NRG3: variants seen among roughly 807,000 people sequenced by gnomAD.
The protein encoded by NRG3 is neuregulin 3.
NRG3 carries 31 observed loss-of-function variants against 66.9 expected under a neutral mutation model. The ratio of observed to expected loss-of-function variants is 0.46; its 90% CI spans 0.35 to 0.63. The LOEUF is 0.63. Among genes scored for constraint, NRG3 ranks in the 20% least tolerant of loss-of-function variants. NRG3 has a pLI of 0.00. For synonymous variants in NRG3, 393 were observed against 359.4 expected, an observed-to-expected ratio of 1.09 and a Z score of -1.06; for missense variants, 910 against 878.9, an observed-to-expected ratio of 1.04 and a Z score of -0.45.
chr10:82,766,612 G>A (rs2135126695), intron 3 of NRG3, among the ~76,000 whole-genome samples: 1 of 152,174 alleles, frequency 6.6e-6, no homozygotes, highest in East Asian at 1.9e-4. Flanking sequence ...TGCTAGTGGG[G>A]ATGGAGTGTG....
chr10:82,240,986 T>A (rs150766408), intron 1 of NRG3, among the ~76,000 whole-genome samples: 181 of 152,236 alleles, frequency 1.2e-3, no homozygotes, highest in African/African-American at 4.3e-3. Context: ...GGAGACAAAC[T>A]GCAAGAGGAA....
intron 2 of NRG3, among the ~76,000 whole-genome samples, chr10:82,393,078 A>G (rs2086492388): frequency 6.6e-6 from 1 of 152,132 alleles, no homozygotes; most frequent in African/African-American, 2.4e-5. Flanking sequence ...CTTCTTAAGT[A>G]TGGTTTGTCT....
At chr10:82,514,692 T>C (rs1431448919) in intron 2 of NRG3, among the ~76,000 whole-genome samples, 3 of 152,188 alleles carry the variant, frequency 2.0e-5, no homozygotes, top group Non-Finnish European at 4.4e-5. Flanking sequence ...ATACCTTGGC[T>C]ATAAGGGCTC....
At position 82,260,653 on chromosome 10, in the gene NRG3, G is replaced by C. The variant is rs201201387; in HGVS notation, c.824-98086G>C. 5.9e-5 allele frequency among the ~76,000 whole-genome samples: 9 copies of C among 152,270 alleles called. No individual in the cohort carries two copies. The East Asian group carries it at 1.7e-3, about 29-fold the overall frequency. On this transcript the variant is annotated intron_variant, in intron 1 of 8. Transcript: ENST00000372141. ...GAATGGACTGGAGTGGTAGTGACTG[G>C]TGACAGAGAGACCATTTTAGTCTTC...
intron 2 of NRG3, among the ~76,000 whole-genome samples, chr10:82,510,640 T>C (rs1845083553): frequency 6.6e-6 from 1 of 152,188 alleles, no homozygotes; most frequent in African/African-American, 2.4e-5. Flanking sequence ...CAAGGTCCAG[T>C]TGAGAATAGG....
intron 3 of NRG3, among the ~76,000 whole-genome samples, chr10:82,789,992 T>C (rs1476981940): frequency 6.6e-6 from 1 of 152,126 alleles, no homozygotes; most frequent in Non-Finnish European, 1.5e-5. Flanking sequence ...TCTTTGCTCA[T>C]GGATAGTTCC....
chr10:82,983,675 A>C (rs1389928641), intron 8 of NRG3, among the ~76,000 whole-genome samples: 1 of 152,248 alleles, frequency 6.6e-6, no homozygotes, highest in African/African-American at 2.4e-5. Flanking sequence ...TTTTAAAAAT[A>C]AAATGAGTTA....
At chr10:82,580,332 A>G (rs2046282560) in intron 2 of NRG3, among the ~76,000 whole-genome samples, 2 of 151,948 alleles carry the variant, frequency 1.3e-5, no homozygotes, top group Admixed American at 6.6e-5. Context: ...GTTCCTATAT[A>G]ATCACTCCCC....
intron 1 of NRG3, among the ~76,000 whole-genome samples, chr10:82,353,843 A>G (rs529819386): frequency 1.3e-5 from 2 of 151,668 alleles, no homozygotes; most frequent in South Asian, 4.2e-4. Context: ...ATCCTTTCCA[A>G]TTGTTTTGCT....
intron 1 of NRG3, among the ~76,000 whole-genome samples, chr10:82,219,063 A>C (rs1030268814): frequency 6.6e-6 from 1 of 151,972 alleles, no homozygotes; most frequent in African/African-American, 2.4e-5. Context: ...GATTGTGAGA[A>C]AAACAGAAAC....
rs569716998 is a variant in NRG3, at chr10:82,357,556, AG to A, written c.824-1181del. On this transcript the variant is annotated intron_variant, in intron 1 of 8. Coordinates refer to ENST00000372141, the MANE Select transcript of NRG3 (RefSeq NM_001010848.4). The stretch of plus-strand genomic sequence containing the variant: ...TCTGCTGAGGGCATTCTTGCTGGCA[AG>A]GACTCTGCAAGCCCTGAGGCAGTGC... 3.7e-3 allele frequency among the ~76,000 whole-genome samples: 564 copies of A among 152,348 alleles called. 4 individuals carry two copies. The highest frequency in any genetic ancestry group is 6.5e-3 in the Non-Finnish European group (444 of 68,040).
chr10:82,823,078 G>A (rs1211231410), intron 3 of NRG3, among the ~76,000 whole-genome samples: 2 of 152,056 alleles, frequency 1.3e-5, no homozygotes, highest in African/African-American at 4.8e-5. Context: ...GTATTCATTT[G>A]TGTGCTTACC....
intron 1 of NRG3, among the ~76,000 whole-genome samples, chr10:82,040,210 T>C (rs141319550): frequency 3.5e-4 from 53 of 152,180 alleles, no homozygotes; most frequent in African/African-American, 1.2e-3. Flanking sequence ...CATGCAGCAC[T>C]AAATTCCACC....
intron 1 of NRG3, among the ~76,000 whole-genome samples, chr10:81,932,569 A>T (rs1847472399): frequency 6.6e-6 from 1 of 152,310 alleles, no homozygotes; most frequent in South Asian, 2.1e-4. Context: ...TTAGCTCCAA[A>T]GCGATATTTA....
At chr10:82,902,212 C>A (rs1200506603) in intron 4 of NRG3, among the ~76,000 whole-genome samples, 1 of 152,030 alleles carries the variant, frequency 6.6e-6, no homozygotes, top group Non-Finnish European at 1.5e-5. Flanking sequence ...AGTTTGTGAA[C>A]TCAGGAGGAC....
intron 1 of NRG3, among the ~76,000 whole-genome samples, chr10:82,114,882 A>G (rs2067610437): frequency 6.6e-6 from 1 of 152,132 alleles, no homozygotes; most frequent in Admixed American, 6.6e-5. Flanking sequence ...CATACAACGC[A>G]AGTACTCAAC....
chr10:82,966,331 A>T (rs1923584), intron 6 of NRG3, among the ~76,000 whole-genome samples: 74,559 of 151,868 alleles, frequency 0.49, 18,605 homozygotes, highest in Middle Eastern at 0.59. Context: ...TATGATGACC[A>T]TGACAGTTTT....
intron 2 of NRG3, among the ~76,000 whole-genome samples, chr10:82,701,379 T>C (rs2134292484): frequency 6.6e-6 from 1 of 152,306 alleles, no homozygotes; most frequent in African/African-American, 2.4e-5. Flanking sequence ...GTCAGTCAAG[T>C]ACTCCTGCCT....
intron 2 of NRG3, among the ~76,000 whole-genome samples, chr10:82,395,459 A>G (rs1016988880): frequency 5.3e-5 from 8 of 152,246 alleles, no homozygotes; most frequent in African/African-American, 1.9e-4. Context: ...TAGACTGTCC[A>G]TATGTCAGGT....
Sources: allele counts gnomAD v4.1 joint callset (sites outside exome capture counted in the v4.1 genomes callset), GRCh38; gene constraint gnomAD v4.1.1; transcripts MANE v1.5; gene names NCBI Gene and HGNC (gene_info 2026-07-23, HGNC 2026-07-21).